Variants in MB21D2 observed in about 807,000 individuals in gnomAD.
The protein encoded by MB21D2 is nucleotidyltransferase MB21D2.
Under a neutral mutation model 33.3 loss-of-function variants are expected in MB21D2, and 9 were observed. The ratio of observed to expected loss-of-function variants is 0.27; its 90% CI spans 0.16 to 0.47. The LOEUF (loss-of-function observed/expected upper bound fraction) is 0.47, where lower values mean the gene tolerates loss of function less well. MB21D2 is among the 20% of genes least tolerant of loss of function. MB21D2 has a pLI of 0.99. For synonymous variants in MB21D2, 241 were observed against 236.3 expected (o/e 1.02, Z -0.18); for missense variants, 540 against 624.6 (o/e 0.86, Z 1.44).
At chr3:192,874,963 C>A (rs1481810639) in intron 1 of MB21D2, among the ~76,000 whole-genome samples, 2 of 151,854 alleles carry the variant, frequency 1.3e-5, no homozygotes, top group African/African-American at 2.4e-5. Flanking sequence ...GAAGACGCAC[C>A]ATCTAGGTGG....
At chr3:192,909,261 A>G (rs11712533) in intron 1 of MB21D2, among the ~76,000 whole-genome samples, 26 of 150,456 alleles carry the variant, frequency 1.7e-4, no homozygotes, top group Admixed American at 1.2e-3. Context: ...GTCTCAAAAA[A>G]AAAAAATAAA....
At chr3:192,890,569 T>C (rs1238760194) in intron 1 of MB21D2, among the ~76,000 whole-genome samples, 1 of 150,534 alleles carries the variant, frequency 6.6e-6, no homozygotes, top group African/African-American at 2.5e-5. Flanking sequence ...CAATCTGTTC[T>C]GTAAGCAATG....
chr3:192,820,598 C>G (rs538273786), intron 1 of MB21D2, among the ~76,000 whole-genome samples: 1 of 152,370 alleles, frequency 6.6e-6, no homozygotes, highest in Non-Finnish European at 1.5e-5. Flanking sequence ...ATGAAAGCGT[C>G]TGCGTAGCGG....
At chr3:192,834,674 T>C (rs913373468) in intron 1 of MB21D2, among the ~76,000 whole-genome samples, 2 of 152,176 alleles carry the variant, frequency 1.3e-5, no homozygotes, top group Admixed American at 6.5e-5. Context: ...CCAGCTGTTC[T>C]ACCGTGAGAG....
At chr3:192,834,695 T>C (rs1225655254) in intron 1 of MB21D2, among the ~76,000 whole-genome samples, 3 of 152,026 alleles carry the variant, frequency 2.0e-5, no homozygotes, top group Non-Finnish European at 4.4e-5. Flanking sequence ...CAAGACAAAC[T>C]GGGAACACAA....
chr3:192,915,685 A>C (rs1397726446), intron 1 of MB21D2, among the ~76,000 whole-genome samples: 1 of 152,206 alleles, frequency 6.6e-6, no homozygotes, highest in East Asian at 1.9e-4. Context: ...CACATGCAAA[A>C]ATTAAGCACC....
At chr3:192,904,252 G>A (rs781456512) in intron 1 of MB21D2, among the ~76,000 whole-genome samples, 6 of 152,164 alleles carry the variant, frequency 3.9e-5, no homozygotes, top group Non-Finnish European at 5.9e-5. Context: ...TTCTAGTCAC[G>A]ATTCTGCCCC....
chr3:192,864,338 C>T (rs1270161669), intron 1 of MB21D2, among the ~76,000 whole-genome samples: 1 of 152,106 alleles, frequency 6.6e-6, no homozygotes, highest in Admixed American at 6.5e-5. Context: ...GTCCAGGAAA[C>T]CCCGCAGGTG....
chr3:192,804,426 T>TACAC lies in MB21D2; in HGVS notation c.212-4780_212-4777dup, dbSNP rs10552964. ...CCTGTATAGACTTCTTTAAAACAGA[T>TACAC]ACACACACACACACACACACACACA... On this transcript the variant is annotated intron_variant, in intron 1 of 1. Coordinates refer to ENST00000392452, the MANE Select transcript of MB21D2 (RefSeq NM_178496.4). 7.2e-3 allele frequency among the ~76,000 whole-genome samples: 1,054 copies of TACAC among 147,150 alleles called. 6 individuals carry two copies. The highest frequency in any genetic ancestry group is 0.015 in the Admixed American group (216 of 14,636).
At chr3:192,862,168 T>A (rs1160649398) in intron 1 of MB21D2, among the ~76,000 whole-genome samples, 2 of 152,208 alleles carry the variant, frequency 1.3e-5, no homozygotes, top group African/African-American at 2.4e-5. Flanking sequence ...TCTGCTTTCA[T>A]CTGTGCTGCT....
chr3:192,897,132 C>T (rs946778459), intron 1 of MB21D2, among the ~76,000 whole-genome samples: 4 of 152,086 alleles, frequency 2.6e-5, no homozygotes, highest in East Asian at 3.9e-4. Flanking sequence ...CAAACAACCT[C>T]GTGGGATCCA....
intron 1 of MB21D2, among the ~76,000 whole-genome samples, chr3:192,891,168 G>C (rs1713845829): frequency 6.6e-6 from 1 of 152,128 alleles, no homozygotes; most frequent in Non-Finnish European, 1.5e-5. Context: ...GGTGTATTAT[G>C]CAATTTTTCA....
At chr3:192,898,123 A>C (rs1251398092) in intron 1 of MB21D2, among the ~76,000 whole-genome samples, 2 of 151,718 alleles carry the variant, frequency 1.3e-5, no homozygotes, top group Admixed American at 6.6e-5. Context: ...AATTTAAAGT[A>C]ATTTGCATAA....
In MB21D2 at chr3:192,849,119, T is replaced by C. The variant is rs375728723; in HGVS notation, c.212-49469A>G. The stretch of plus-strand genomic sequence containing the variant: ...AGTCCTGAAATGGCTGGCATTCCAC[T>C]ATGAGGACAAACCACGATCCTCTGG... On this transcript the variant is annotated intron_variant, in intron 1 of 1. Coordinates refer to ENST00000392452, the MANE Select transcript of MB21D2 (RefSeq NM_178496.4). Among the ~76,000 whole-genome samples the C allele has an allele frequency of 1.6e-4, 25 of 152,232 alleles. No homozygotes were observed. In the East Asian group the frequency reaches 4.6e-3, roughly 28 times the overall value.
At position 192,798,851 on chromosome 3, in the gene MB21D2, G is replaced by C. The variant is rs748710145; in HGVS notation, c.1011C>G (p.Leu337=). ...ISPYHLRSMM[L]WACDRLPANY... is the part of the protein sequence containing the mutation. ...TGGCAGGAAGTCTGTCGCAGGCCCA[G>C]AGCATCATGCTCCGCAGGTGATAGG... Residue 337 remains leucine (L), a synonymous_variant, in exon 2 of 2, where the codon CTC becomes CTG. Transcript: ENST00000392452. The surrounding 1 kb of genome is among the most constrained non-coding windows in gnomAD (Gnocchi z 4.8). The C allele has an allele frequency of 6.2e-7, 1 of 1,612,644 alleles. No homozygotes were observed. The highest frequency in any genetic ancestry group is 1.1e-5 in the South Asian group (1 of 91,082).
intron 1 of MB21D2, among the ~76,000 whole-genome samples, chr3:192,877,234 A>G (rs1713451346): frequency 6.6e-6 from 1 of 152,178 alleles, no homozygotes; most frequent in Admixed American, 6.6e-5. Flanking sequence ...ATTCCTGGAG[A>G]TTACCATCTC....
chr3:192,900,155 G>T (rs1365083627), intron 1 of MB21D2, among the ~76,000 whole-genome samples: 1 of 151,750 alleles, frequency 6.6e-6, no homozygotes, highest in Admixed American at 6.6e-5. Flanking sequence ...GTCGTGGCGG[G>T]CGCCTGTAGT....
chr3:192,850,706 G>A lies in MB21D2; in HGVS notation c.212-51056C>T, dbSNP rs1001375198. Among the ~76,000 whole-genome samples, 8 of 152,166 alleles carry A rather than the reference G, an allele frequency of 5.3e-5. No individual in the cohort carries two copies. The East Asian group carries it at 1.4e-3, about 26-fold the overall frequency. On this transcript the variant is annotated intron_variant, in intron 1 of 1. Coordinates refer to ENST00000392452, the MANE Select transcript of MB21D2 (RefSeq NM_178496.4). Reference sequence around the variant, plus strand: ...TGGGAGCCCCGTCCCGTCTCCCTGCGGCCTAGATCCCCTGTGATGCCTCAA... The same window carrying A: ...TGGGAGCCCCGTCCCGTCTCCCTGCAGCCTAGATCCCCTGTGATGCCTCAA...
At chr3:192,851,499 T>C (rs1046864160) in intron 1 of MB21D2, among the ~76,000 whole-genome samples, 24 of 138,866 alleles carry the variant, frequency 1.7e-4, no homozygotes, top group Non-Finnish European at 2.9e-4. Context: ...CTGTTTTTTT[T>C]TTTTTTTTTT....
Sources: gnomAD v4.1 joint callset for allele counts (sites outside exome capture counted in the v4.1 genomes callset) on GRCh38, gnomAD v4.1.1 for gene constraint, Gnocchi (gnomAD v3.1) non-coding constraint, MANE v1.5 for transcripts, NCBI Gene and HGNC (gene_info 2026-07-23, HGNC 2026-07-21) for gene names.